Variants in NUDT4 observed in about 807,000 individuals in gnomAD.
The protein encoded by NUDT4 is nudix hydrolase 4, also known as diphosphoinositol polyphosphate phosphohydrolase 2.
Under a neutral mutation model 23.1 loss-of-function variants are expected in NUDT4, and 5 were observed. The observed-to-expected ratio is 0.22, with a 90% CI of 0.11 to 0.46. The LOEUF (loss-of-function observed/expected upper bound fraction) is 0.46. Among genes scored for constraint, NUDT4 ranks in the 20% least tolerant of loss-of-function variants. The pLI is 0.99. For synonymous variants in NUDT4, 50 were observed against 79.0 expected (o/e 0.63, Z 1.95); for missense variants, 96 against 211.6 (o/e 0.45, Z 3.39).
intron 1 of NUDT4, among the ~76,000 whole-genome samples, chr12:93,392,938 C>T (rs565215183): frequency 1.4e-5 from 2 of 138,138 alleles, no homozygotes; most frequent in African/African-American, 5.2e-5. Flanking sequence ...ACCTCAGCCT[C>T]CCAAAGTGCT....
In NUDT4 at chr12:93,391,662, G is replaced by A. The variant is rs567477100; in HGVS notation, c.100-2947G>A. On this transcript the variant is annotated intron_variant, in intron 1 of 4. Coordinates refer to ENST00000415493, the MANE Select transcript of NUDT4 (RefSeq NM_019094.6). ...TGGAGTGAGAGGATCACTTGAGCCC[G>A]GGAAGTGAAGGCTGCAGTCAGCAGA... 4.9e-4 allele frequency among the ~76,000 whole-genome samples: 74 copies of A among 152,132 alleles called. 1 individual carries two copies. The Middle Eastern group carries it at 0.01, about 21-fold the overall frequency.
rs1160303195 is a variant in NUDT4, at chr12:93,402,170, A to T, written c.*2791A>T. The T allele has an allele frequency of 1.3e-5, 2 of 151,990 alleles. No homozygotes were observed. The highest frequency in any genetic ancestry group is 2.9e-5 in the Non-Finnish European group (2 of 67,976). 9.4% of individuals were successfully genotyped at this position (151,990 alleles called of 1,614,324 possible). A position where few individuals can be genotyped will look rare whatever the true frequency, so the allele number is the denominator to read the frequency against. On this transcript the variant is annotated 3_prime_UTR_variant, in exon 5 of 5. Transcript: ENST00000415493. ...GCAGCAGAACTGAAGGGGAAAAATGATTGTTGTATACACTGAATTGCTTTG... is the reference window on the plus strand; with the variant it reads ...GCAGCAGAACTGAAGGGGAAAAATGTTTGTTGTATACACTGAATTGCTTTG...
intron 3 of NUDT4, among the ~76,000 whole-genome samples, chr12:93,396,172 T>C (rs1046213075): frequency 1.3e-5 from 2 of 152,186 alleles, no homozygotes; most frequent in African/African-American, 4.8e-5. Flanking sequence ...ACCTAAGAGC[T>C]TAGGTCTCAT....
At chr12:93,399,110 G>A (rs895678400) in intron 4 of NUDT4, 67 bp from the exon 5 acceptor site, 1 of 1,133,668 alleles carries the variant, frequency 8.8e-7, no homozygotes, top group African/African-American at 1.5e-5. Flanking sequence ...GGAGTAAGTG[G>A]ACATTACTTA....
rs940779754 is a variant in NUDT4 at position 93,403,258 on chromosome 12, C to T, written c.*3879C>T. 1.3e-5 allele frequency: 2 copies of T among 152,258 alleles called. No individual in the cohort carries two copies. The highest frequency in any genetic ancestry group is 4.8e-5 in the African/African-American group (2 of 41,538). 9.4% of individuals were successfully genotyped at this position (152,258 alleles called of 1,614,324 possible). On this transcript the variant is annotated 3_prime_UTR_variant, in exon 5 of 5. Transcript: ENST00000415493. ...TAAGAGCACAAAACAATTTTCTAAT[C>T]TCAAAGAGCTTATATTCTAGTGGGG...
At chr12:93,398,974 G>T (rs912072556) in intron 4 of NUDT4, 119 bp downstream of exon 4, 15 of 837,244 alleles carry the variant, frequency 1.8e-5, no homozygotes, top group Non-Finnish European at 3.7e-6. Flanking sequence ...CCTGTGTCCA[G>T]TTTCCATCCT....
At chr12:93,398,993 T>G in intron 4 of NUDT4, 138 bp downstream of exon 4, 1 of 797,306 alleles carries the variant, frequency 1.3e-6, no homozygotes. Flanking sequence ...CTAGATTTTT[T>G]TTTTTTTGGT....
At chr12:93,381,834 G>A (rs1017347226) in intron 1 of NUDT4, among the ~76,000 whole-genome samples, 1 of 152,256 alleles carries the variant, frequency 6.6e-6, no homozygotes, top group Non-Finnish European at 1.5e-5. Flanking sequence ...GATAGTAGAT[G>A]TGTTCAAGCT....
In NUDT4 at chr12:93,404,700, T is replaced by C. The variant is rs1877703722; in HGVS notation, c.*5321T>C. The C allele has an allele frequency of 6.6e-6, 1 of 152,232 alleles. No individual in the cohort carries two copies. The highest frequency in any genetic ancestry group is 2.4e-5 in the African/African-American group (1 of 41,464). 9.4% of individuals were successfully genotyped at this position (152,232 alleles called of 1,614,324 possible). On this transcript the variant is annotated 3_prime_UTR_variant, in exon 5 of 5. Coordinates refer to ENST00000415493, the MANE Select transcript of NUDT4 (RefSeq NM_019094.6). ...CTACTAGACAGAACTACCTGTTTTA[T>C]GCATGTATTGGCATACACTGAAAAA...
intron 1 of NUDT4, among the ~76,000 whole-genome samples, chr12:93,385,941 T>TTATATATATATATATA (rs371683658): frequency 5.4e-4 from 56 of 104,584 alleles, no homozygotes; most frequent in African/African-American, 1.9e-3. Context: ...GTAAATCTTT[T>TTATATATATATATATA]TATATATATA....
chr12:93,380,205 G>C (rs1875559821), intron 1 of NUDT4, among the ~76,000 whole-genome samples: 1 of 152,156 alleles, frequency 6.6e-6, no homozygotes, highest in Non-Finnish European at 1.5e-5. Flanking sequence ...AGTGGTGACT[G>C]AAGTGTTGCC....
chr12:93,397,428 G>A (rs888033406), intron 3 of NUDT4, among the ~76,000 whole-genome samples: 4 of 152,116 alleles, frequency 2.6e-5, no homozygotes, highest in African/African-American at 7.2e-5. Context: ...ATCTAAAGTC[G>A]TGGACTATGG....
chr12:93,393,265 C>G (rs968622854), intron 1 of NUDT4, among the ~76,000 whole-genome samples: 4 of 148,508 alleles, frequency 2.7e-5, no homozygotes, highest in African/African-American at 1.0e-4. Flanking sequence ...CCACACCTGG[C>G]TAATTTTTGT....
chr12:93,384,085 A>G (rs1033167764), intron 1 of NUDT4, among the ~76,000 whole-genome samples: 2 of 152,164 alleles, frequency 1.3e-5, no homozygotes, highest in Admixed American at 1.3e-4. Flanking sequence ...AATGCATTAC[A>G]TAGCCCTTGA....
chr12:93,403,383 A>G lies in NUDT4; in HGVS notation c.*4004A>G, dbSNP rs914354178. 6.6e-6 allele frequency: 1 copy of G among 152,260 alleles called. No individual in the cohort carries two copies. Among genetic ancestry groups the G allele is most frequent in the African/African-American group, 2.4e-5 (1 of 41,498 alleles). 9.4% of individuals were successfully genotyped at this position (152,260 alleles called of 1,614,324 possible). A position where few individuals can be genotyped will look rare whatever the true frequency, so the allele number is the denominator to read the frequency against. ...GCCCAGGCTGGAGTGCAGTGGTGCAATCTCAGCTTACTGTAACCTCCGCCT... is the reference window on the plus strand; with the variant it reads ...GCCCAGGCTGGAGTGCAGTGGTGCAGTCTCAGCTTACTGTAACCTCCGCCT... On this transcript the variant is annotated 3_prime_UTR_variant, in exon 5 of 5. Transcript: ENST00000415493.
At chr12:93,394,391 T>C (rs1876779133) in intron 1 of NUDT4, among the ~76,000 whole-genome samples, 1 of 152,234 alleles carries the variant, frequency 6.6e-6, no homozygotes, top group South Asian at 2.1e-4. Flanking sequence ...GATTTGGTAG[T>C]GTGACCATGT....
chr12:93,394,254 G>A (rs1236875300), intron 1 of NUDT4, among the ~76,000 whole-genome samples: 1 of 152,204 alleles, frequency 6.6e-6, no homozygotes, highest in Admixed American at 6.5e-5. Context: ...CGCCCGCCTC[G>A]GCCTCCCAGA....
Position 93,398,865 on chromosome 12 carries a change from C to T in NUDT4, c.340+10C>T, listed in dbSNP as rs753086310. On this transcript the variant is annotated intron_variant, in intron 4 of 4. Transcript: ENST00000415493. Reference sequence around the variant, plus strand: ...GATTCTGTTAATATTGGTAAGTTCCCTTTTGTTATCTGAATACTCTGTTCT... The same window carrying T: ...GATTCTGTTAATATTGGTAAGTTCCTTTTTGTTATCTGAATACTCTGTTCT... 2 of 1,445,870 alleles carry T rather than the reference C, an allele frequency of 1.4e-6. No individual in the cohort carries two copies. Among genetic ancestry groups the T allele is most frequent in the South Asian group, 2.3e-5 (2 of 86,972 alleles). The allele number at this position is 1,445,870 out of a possible 1,614,324, so 89.6% of individuals were successfully genotyped here. A position where few individuals can be genotyped will look rare whatever the true frequency, so the allele number is the denominator to read the frequency against.
Position 93,398,639 on chromosome 12 carries a change from G to GAAT in NUDT4, c.256-130_256-128dup, listed in dbSNP as rs1877117082. 10 of 621,674 alleles carry GAAT rather than the reference G, an allele frequency of 1.6e-5. No individual in the cohort carries two copies. The East Asian group carries it at 2.8e-4, about 17-fold the overall frequency. 38.5% of individuals were successfully genotyped at this position (621,674 alleles called of 1,614,324 possible). A position where few individuals can be genotyped will look rare whatever the true frequency, so the allele number is the denominator to read the frequency against. On this transcript the variant is annotated intron_variant, in intron 3 of 4. Coordinates refer to ENST00000415493, the MANE Select transcript of NUDT4 (RefSeq NM_019094.6). Reference sequence around the variant, plus strand: ...CACTTTTGTGTTGGACTGTACAACTGAATATACTTGCCTGTGCTGGGAAAT... The same window carrying GAAT: ...CACTTTTGTGTTGGACTGTACAACTGAATAATATACTTGCCTGTGCTGGGAAAT...
Sources: gnomAD v4.1 joint callset for allele counts (sites outside exome capture counted in the v4.1 genomes callset) on GRCh38, gnomAD v4.1.1 for gene constraint, MANE v1.5 for transcripts, NCBI Gene and HGNC (gene_info 2026-07-23, HGNC 2026-07-21) for gene names.